The following DEFB129 variants were observed in gnomAD, a reference collection of about 807,000 sequenced individuals.
The protein encoded by DEFB129 is beta-defensin 129.
Under a neutral mutation model 2.5 loss-of-function variants are expected in DEFB129, and 2 were observed. The observed-to-expected ratio is 0.80, with a 90% CI of 0.33 to 2.53. The LOEUF (loss-of-function observed/expected upper bound fraction) is 2.53, where lower values mean the gene tolerates loss of function less well. Ranked by LOEUF, DEFB129 falls within the 30% of genes most tolerant of loss-of-function variation. The pLI is 0.11. For synonymous variants in DEFB129, 76 were observed against 74.4 expected (o/e 1.02, Z -0.11); for missense variants, 177 against 216.9 (o/e 0.82, Z 1.16).
intron 1 of DEFB129, among the ~76,000 whole-genome samples, chr20:228,408 C>T (rs1014667581): frequency 6.6e-6 from 1 of 152,186 alleles, no homozygotes; most frequent in Non-Finnish European, 1.5e-5. Context: ...TTAATCAATG[C>T]AGCTGATTCC....
chr20:228,591 C>T (rs1402019554), intron 1 of DEFB129, among the ~76,000 whole-genome samples: 3 of 152,036 alleles, frequency 2.0e-5, no homozygotes, highest in South Asian at 2.1e-4. Flanking sequence ...AAAAGAAACA[C>T]GAGACATTAG....
rs779965350 is a variant in DEFB129 at position 229,509 on chromosome 20, ATATTT to A, written c.294_298del (p.Leu99CysfsTer9). The A allele has an allele frequency of 3.5e-5, 57 of 1,614,042 alleles. No individual in the cohort carries two copies. The highest frequency in any genetic ancestry group is 4.8e-5 in the Non-Finnish European group (57 of 1,180,038). ...TCTAGTGCTGTGATACAAAGAAAACATATTTTATCTGTTCTCCCCCAAATCAAAAG... is the reference window on the plus strand; with the variant it reads ...TCTAGTGCTGTGATACAAAGAAAACATATCTGTTCTCCCCCAAATCAAAAG... On this transcript the variant is annotated frameshift_variant, in exon 2 of 2. Transcript: ENST00000246105. LOFTEE classifies it low-confidence loss of function (END_TRUNC).
Sources: allele counts gnomAD v4.1 joint callset (sites outside exome capture counted in the v4.1 genomes callset), GRCh38; gene constraint gnomAD v4.1.1; transcripts MANE v1.5; gene names NCBI Gene and HGNC (gene_info 2026-07-23, HGNC 2026-07-21).